The following GRID1 variants were observed in gnomAD, a reference collection of about 807,000 sequenced individuals.
GRID1 encodes the protein glutamate receptor ionotropic, delta-1.
In GRID1, 28 loss-of-function variants were observed where a neutral mutation model predicts 98.0. The ratio of observed to expected loss-of-function variants is 0.29; its 90% confidence interval spans 0.21 to 0.39. The LOEUF (loss-of-function observed/expected upper bound fraction) is 0.39. Among genes scored for constraint, GRID1 ranks in the 10% least tolerant of loss-of-function variants. The pLI, the probability that GRID1 is intolerant of heterozygous loss-of-function variation, is 1.00. For synonymous variants in GRID1, 553 were observed against 538.5 expected (o/e 1.03, Z -0.37); for missense variants, 1,111 against 1,340.5 (o/e 0.83, Z 2.67).
intron 5 of GRID1, among the ~76,000 whole-genome samples, chr10:85,880,203 G>A (rs1408846314): frequency 6.6e-6 from 1 of 152,198 alleles, no homozygotes; most frequent in East Asian, 1.9e-4. Flanking sequence ...ACAAGGAGGA[G>A]CTGGTACCAT....
At chr10:86,224,105 A>C (rs1215724189) in intron 2 of GRID1, among the ~76,000 whole-genome samples, 3 of 152,104 alleles carry the variant, frequency 2.0e-5, no homozygotes, top group Non-Finnish European at 4.4e-5. Flanking sequence ...CTCCAACTGT[A>C]CTCCGGTTTC....
At chr10:86,220,717 G>C (rs866544590) in intron 2 of GRID1, among the ~76,000 whole-genome samples, 2 of 152,152 alleles carry the variant, frequency 1.3e-5, no homozygotes, top group Non-Finnish European at 2.9e-5. Context: ...TGCTGCAGGA[G>C]CTCTTCTCAT....
At chr10:86,138,661 T>TC (rs376003662) in intron 4 of GRID1, among the ~76,000 whole-genome samples, 158 bp downstream of exon 4, 5 of 152,074 alleles carry the variant, frequency 3.3e-5, no homozygotes, top group African/African-American at 9.7e-5. Flanking sequence ...GCTCAGAGAA[T>TC]CCCCCCTTAC....
chr10:86,020,023 T>C (rs1843029288), intron 4 of GRID1, among the ~76,000 whole-genome samples: 1 of 152,248 alleles, frequency 6.6e-6, no homozygotes, highest in Admixed American at 6.5e-5. Flanking sequence ...GGGAAAACCA[T>C]GACAGACGTC....
intron 8 of GRID1, among the ~76,000 whole-genome samples, chr10:85,784,975 C>T (rs1027860352): frequency 1.4e-4 from 21 of 152,272 alleles, no homozygotes; most frequent in African/African-American, 4.8e-4. Flanking sequence ...TGACAGGTGA[C>T]ACTTCTAAGT....
chr10:85,928,855 T>C (rs1392483177), intron 4 of GRID1, among the ~76,000 whole-genome samples: 3 of 152,202 alleles, frequency 2.0e-5, no homozygotes, highest in African/African-American at 7.2e-5. Context: ...CTTCCAACAT[T>C]ACCCTCTTCA....
chr10:85,784,750 G>A (rs1842411021), intron 8 of GRID1, among the ~76,000 whole-genome samples: 1 of 152,196 alleles, frequency 6.6e-6, no homozygotes, highest in African/African-American at 2.4e-5. Flanking sequence ...GGCTGGGTGG[G>A]ATTTGAAGGT....
intron 3 of GRID1, among the ~76,000 whole-genome samples, chr10:86,163,195 C>T (rs576633737): frequency 2.0e-5 from 3 of 152,230 alleles, no homozygotes; most frequent in South Asian, 2.1e-4. Context: ...CTTGAAACAA[C>T]GGGAGTGGGA....
At chr10:86,308,647 C>T (rs914502593) in intron 2 of GRID1, among the ~76,000 whole-genome samples, 7 of 152,102 alleles carry the variant, frequency 4.6e-5, no homozygotes, top group Admixed American at 1.3e-4. Flanking sequence ...GTTGCTGTAA[C>T]GGAATGCTCG....
chr10:85,788,217 C>T (rs1211768477), intron 8 of GRID1, among the ~76,000 whole-genome samples: 1 of 152,076 alleles, frequency 6.6e-6, no homozygotes, highest in Non-Finnish European at 1.5e-5. Context: ...CTTTTCCTTT[C>T]ATGGTTTGCT....
At chr10:85,958,268 G>T (rs1842220206) in intron 4 of GRID1, among the ~76,000 whole-genome samples, 2 of 152,172 alleles carry the variant, frequency 1.3e-5, no homozygotes, top group African/African-American at 4.8e-5. Flanking sequence ...GAATGCCAGG[G>T]GTAAGTCACA....
intron 4 of GRID1, among the ~76,000 whole-genome samples, chr10:86,126,098 C>T (rs1334001953): frequency 6.6e-6 from 1 of 152,202 alleles, no homozygotes; most frequent in African/African-American, 2.4e-5. Context: ...CACCCACCAA[C>T]AAAAGTAAGA....
At chr10:86,250,254 T>C (rs1846799453) in intron 2 of GRID1, among the ~76,000 whole-genome samples, 1 of 152,160 alleles carries the variant, frequency 6.6e-6, no homozygotes, top group South Asian at 2.1e-4. Flanking sequence ...TTCCAGGCAT[T>C]CAAGGTGGCC....
intron 4 of GRID1, among the ~76,000 whole-genome samples, chr10:85,976,622 C>G (rs1236537946): frequency 6.6e-6 from 1 of 152,254 alleles, no homozygotes; most frequent in Non-Finnish European, 1.5e-5. Context: ...CCTGTGCGTG[C>G]ACCTCCAGGA....
intron 13 of GRID1, among the ~76,000 whole-genome samples, chr10:85,629,343 T>A (rs1400527220): frequency 6.6e-6 from 1 of 152,202 alleles, no homozygotes; most frequent in Non-Finnish European, 1.5e-5. Context: ...ACAGCCTATA[T>A]TGTACCCTTC....
At chr10:85,815,203 G>A (rs886515706) in intron 8 of GRID1, among the ~76,000 whole-genome samples, 1 of 151,926 alleles carries the variant, frequency 6.6e-6, no homozygotes, top group African/African-American at 2.4e-5. Context: ...ATCTATTCAT[G>A]ATAAAAACTC....
chr10:86,012,856 A>G (rs1842936535), intron 4 of GRID1, among the ~76,000 whole-genome samples: 1 of 152,226 alleles, frequency 6.6e-6, no homozygotes, highest in Admixed American at 6.5e-5. Context: ...TGAGAAATAA[A>G]TTACTATTGT....
At chr10:86,282,988 C>T (rs1350989526) in intron 2 of GRID1, among the ~76,000 whole-genome samples, 1 of 152,154 alleles carries the variant, frequency 6.6e-6, no homozygotes, top group East Asian at 1.9e-4. Context: ...GGCCAGGCCT[C>T]TGCCCACCAG....
chr10:85,760,476 A>G (rs745932316), intron 8 of GRID1, among the ~76,000 whole-genome samples: 1 of 152,210 alleles, frequency 6.6e-6, no homozygotes, highest in South Asian at 2.1e-4. Flanking sequence ...AAAACAATTT[A>G]GCTCCTTCTT....
Sources: allele counts gnomAD v4.1 joint callset (sites outside exome capture counted in the v4.1 genomes callset), GRCh38; gene constraint gnomAD v4.1.1; transcripts MANE v1.5; gene names NCBI Gene and HGNC (gene_info 2026-07-23, HGNC 2026-07-21).